The following TMCO4 variants were observed in gnomAD, a reference collection of about 807,000 sequenced individuals.
TMCO4 encodes the protein transmembrane and coiled-coil domain-containing protein 4.
A neutral mutation model predicts 64.7 loss-of-function variants in TMCO4; 58 were observed. The observed-to-expected ratio is 0.90, with a 90% CI of 0.73 to 1.12. TMCO4 has a LOEUF of 1.12. Among genes scored for constraint, TMCO4 ranks in the 50% most tolerant of loss-of-function variants. The pLI is 0.00. For synonymous variants in TMCO4, 325 were observed against 346.1 expected (o/e 0.94, Z 0.68); for missense variants, 780 against 825.9 (o/e 0.94, Z 0.68).
chr1:19,704,112 A>C (rs1355363567), intron 13 of TMCO4, among the ~76,000 whole-genome samples: 1 of 151,812 alleles, frequency 6.6e-6, no homozygotes, highest in Non-Finnish European at 1.5e-5. Flanking sequence ...CAGTTTGAAA[A>C]CCCTTGTAGT....
chr1:19,790,080 TC>T (rs895682759), intron 2 of TMCO4, among the ~76,000 whole-genome samples: 1 of 149,110 alleles, frequency 6.7e-6, no homozygotes, highest in African/African-American at 2.5e-5. Context: ...AAAAAGAGAT[TC>T]CCTATTTAGT....
chr1:19,692,290 C>T lies in TMCO4; in HGVS notation c.1500+2144G>A, dbSNP rs545082509. ...CTATGGAGCACCTCTCCCACTGGTT[C>T]TCATATCTACCTGGGCTGGGGCTAC... On this transcript the variant is annotated intron_variant, in intron 15 of 15. Coordinates refer to ENST00000294543, the MANE Select transcript of TMCO4 (RefSeq NM_181719.7). 2.0e-5 allele frequency among the ~76,000 whole-genome samples: 3 copies of T among 152,306 alleles called. No individual in the cohort carries two copies. In the East Asian group the frequency reaches 5.8e-4, roughly 29 times the overall value.
intron 15 of TMCO4, among the ~76,000 whole-genome samples, chr1:19,693,364 TC>T (rs1489961279): frequency 6.6e-6 from 1 of 151,654 alleles, no homozygotes; most frequent in Non-Finnish European, 1.5e-5. Flanking sequence ...GCTCCTGTAA[TC>T]CCCGCTACTC....
intron 6 of TMCO4, among the ~76,000 whole-genome samples, chr1:19,756,525 T>TA (rs2042263532): frequency 6.6e-6 from 1 of 152,182 alleles, no homozygotes. Flanking sequence ...ATAAAGGCAG[T>TA]ATGCTGTATT....
At chr1:19,785,920 G>A (rs2043718385) in intron 3 of TMCO4, among the ~76,000 whole-genome samples, 1 of 152,164 alleles carries the variant, frequency 6.6e-6, no homozygotes. Flanking sequence ...GGGTGGAGAG[G>A]TATTCCTTAG....
chr1:19,737,250 T>A, intron 13 of TMCO4, 122 bp downstream of exon 13: 1 of 994,368 alleles, frequency 1.0e-6, no homozygotes, highest in Non-Finnish European at 1.5e-6. Flanking sequence ...TTTTAACTTT[T>A]AACTATTATT....
At chr1:19,757,595 C>A (rs774104067) in intron 6 of TMCO4, among the ~76,000 whole-genome samples, 1 of 152,120 alleles carries the variant, frequency 6.6e-6, no homozygotes, top group Non-Finnish European at 1.5e-5. Flanking sequence ...CATCACTTAA[C>A]CCTTGACCTG....
intron 5 of TMCO4, 76 bp downstream of exon 5, chr1:19,771,232 G>C (rs749986334): frequency 3.9e-6 from 6 of 1,523,008 alleles, no homozygotes; most frequent in Non-Finnish European, 5.3e-6. Context: ...CACTAGAAGT[G>C]ATTTTTTAGG....
chr1:19,797,193 T>C (rs578146928), intron 2 of TMCO4, among the ~76,000 whole-genome samples: 1 of 152,190 alleles, frequency 6.6e-6, no homozygotes, highest in Non-Finnish European at 1.5e-5. Context: ...AACTTGGCCC[T>C]GGTCCTGGAT....
intron 4 of TMCO4, among the ~76,000 whole-genome samples, chr1:19,779,097 A>G (rs2043343484): frequency 6.6e-6 from 1 of 152,368 alleles, no homozygotes; most frequent in African/African-American, 2.4e-5. Flanking sequence ...GACCCAAGGC[A>G]TGAAGGAAGT....
At chr1:19,730,866 G>T (rs1307478803) in intron 13 of TMCO4, among the ~76,000 whole-genome samples, 1 of 152,216 alleles carries the variant, frequency 6.6e-6, no homozygotes, top group African/African-American at 2.4e-5. Flanking sequence ...GCTCTCAGGG[G>T]ACTCCAGAAA....
chr1:19,711,829 G>C (rs1246197483), intron 13 of TMCO4, among the ~76,000 whole-genome samples: 1 of 151,998 alleles, frequency 6.6e-6, no homozygotes, highest in Non-Finnish European at 1.5e-5. Context: ...GGCTAATTTT[G>C]TATTTTTAGT....
intron 13 of TMCO4, among the ~76,000 whole-genome samples, chr1:19,724,802 C>T (rs2100757638): frequency 6.6e-6 from 1 of 152,190 alleles, no homozygotes; most frequent in Non-Finnish European, 1.5e-5. Flanking sequence ...TGCTCTGTCA[C>T]CCAGGCTGGA....
intron 10 of TMCO4, among the ~76,000 whole-genome samples, chr1:19,744,954 A>C (rs1418432139): frequency 1.3e-5 from 2 of 152,174 alleles, no homozygotes; most frequent in Non-Finnish European, 2.9e-5. Flanking sequence ...TGGTAAGTAC[A>C]GCACTTTATA....
chr1:19,692,262 C>T (rs773189948), intron 15 of TMCO4, among the ~76,000 whole-genome samples: 1 of 152,134 alleles, frequency 6.6e-6, no homozygotes, highest in Admixed American at 6.5e-5. Context: ...TCCCCGCCTC[C>T]CCCTATGGAG....
chr1:19,705,266 C>T (rs1427097141), intron 13 of TMCO4, among the ~76,000 whole-genome samples: 1 of 152,020 alleles, frequency 6.6e-6, no homozygotes, highest in Non-Finnish European at 1.5e-5. Context: ...GCCTGGCCAA[C>T]ATGGCAAAAA....
At position 19,780,765 on chromosome 1, in the gene TMCO4, C is replaced by G. The variant is rs766861994; in HGVS notation, c.-7G>C. On this transcript the variant is annotated splice_region_variant and 5_prime_UTR_variant, in exon 4 of 16. Transcript: ENST00000294543. The stretch of plus-strand genomic sequence containing the variant: ...GCCTGTTCCACATGGCCATTCCCAG[C>G]GCTGCAGGAGAAAATTCCCAGTGAG... 45 of 1,558,762 alleles carry G rather than the reference C, an allele frequency of 2.9e-5. No individual in the cohort carries two copies. The highest frequency in any genetic ancestry group is 2.0e-4 in the Middle Eastern group (1 of 4,946).
chr1:19,724,810 G>A lies in TMCO4; in HGVS notation c.1264+12562C>T, dbSNP rs186829148. Among the ~76,000 whole-genome samples the A allele has an allele frequency of 2.0e-3, 305 of 152,162 alleles. 1 individual carries two copies. Among genetic ancestry groups the A allele is most frequent in the African/African-American group, 7.2e-3 (300 of 41,494 alleles). On this transcript the variant is annotated intron_variant, in intron 13 of 15. Transcript: ENST00000294543. Reference sequence around the variant, plus strand: ...GGAGTCTTGCTCTGTCACCCAGGCTGGAGTGCAGTGGCACAATCTCTGCTC... The same window carrying A: ...GGAGTCTTGCTCTGTCACCCAGGCTAGAGTGCAGTGGCACAATCTCTGCTC...
At chr1:19,754,863 C>T (rs75262290) in intron 7 of TMCO4, among the ~76,000 whole-genome samples, 1,737 of 152,196 alleles carry the variant, frequency 0.011, 41 homozygotes, top group African/African-American at 0.04. Context: ...TTTTATAATG[C>T]GCAGACATTC....
Sources: gnomAD v4.1 joint callset for allele counts (sites outside exome capture counted in the v4.1 genomes callset) on GRCh38, gnomAD v4.1.1 for gene constraint, MANE v1.5 for transcripts, NCBI Gene and HGNC (gene_info 2026-07-23, HGNC 2026-07-21) for gene names.